Variants in AEBP2 observed in about 807,000 individuals in gnomAD.
AEBP2 encodes the protein AE binding protein 2.
Under a neutral mutation model 50.8 loss-of-function variants are expected in AEBP2, and 10 were observed. The ratio of observed to expected loss-of-function variants is 0.20; its 90% CI spans 0.12 to 0.33. The LOEUF is 0.33. AEBP2 is among the 10% of genes least tolerant of loss of function. AEBP2 has a pLI of 1.00. For synonymous variants in AEBP2, 296 were observed against 261.3 expected, an observed-to-expected ratio of 1.13 and a Z score of -1.28; for missense variants, 570 against 688.0, an observed-to-expected ratio of 0.83 and a Z score of 1.92.
chr12:19,445,743 A>G (rs1948050750), intron 1 of AEBP2, among the ~76,000 whole-genome samples: 1 of 152,224 alleles, frequency 6.6e-6, no homozygotes, highest in Admixed American at 6.5e-5. Context: ...GCAAAAGGAT[A>G]TGGTAGACTA....
Position 19,439,685 on chromosome 12 carries a change from G to A in AEBP2, c.-15G>A. 6.6e-7 allele frequency: 1 copy of A among 1,517,644 alleles called. No individual in the cohort carries two copies. The highest frequency in any genetic ancestry group is 2.6e-5 in the East Asian group (1 of 38,072). 94.0% of individuals were successfully genotyped at this position (1,517,644 alleles called of 1,614,324 possible). The stretch of plus-strand genomic sequence containing the variant: ...GCGGTGGGGAGGAGGAGGAGGAGGA[G>A]GAGCAGGCGCCGCCATGGCCGCCGC... On this transcript the variant is annotated 5_prime_UTR_variant, in exon 1 of 8. Coordinates refer to ENST00000266508, the MANE Select transcript of AEBP2 (RefSeq NM_153207.5).
chr12:19,462,475 C>G (rs1430412916), intron 1 of AEBP2, 35 bp from the exon 2 acceptor site: 1 of 1,519,686 alleles, frequency 6.6e-7, no homozygotes, highest in Non-Finnish European at 9.0e-7. Context: ...TAGTGAATTT[C>G]TAGGAATAAC....
rs1947938155 is a variant in AEBP2, at chr12:19,440,601, C to G, written c.671+231C>G. On this transcript the variant is annotated intron_variant, in intron 1 of 7. Transcript: ENST00000266508. ...CCCCCAACTCTCCTTTCCCCGCCCT[C>G]TTTCCCCTCGGCGCTTCGCTCCTCA... 1.2e-5 allele frequency: 17 copies of G among 1,473,592 alleles called. No homozygotes were observed. In the South Asian group the frequency reaches 2.2e-4, roughly 19 times the overall value. The allele number at this position is 1,473,592 out of a possible 1,614,324, so 91.3% of individuals were successfully genotyped here.
intron 1 of AEBP2, among the ~76,000 whole-genome samples, chr12:19,448,461 G>C (rs1948111733): frequency 1.3e-5 from 2 of 151,322 alleles, no homozygotes; most frequent in African/African-American, 4.9e-5. Context: ...CTCCAGCCTG[G>C]GCAACAGAGC....
intron 1 of AEBP2, among the ~76,000 whole-genome samples, chr12:19,420,402 C>T (rs772883709): frequency 1.7e-4 from 24 of 138,846 alleles, no homozygotes; most frequent in Middle Eastern, 4.5e-3. Context: ...GGTGCTATCT[C>T]GGCTCACTAC....
rs944015661 is a variant in AEBP2 at position 19,411,695 on chromosome 12, A to G, written c.-17+7479A>G. Among the ~76,000 whole-genome samples the G allele has an allele frequency of 2.0e-5, 3 of 152,220 alleles. No individual in the cohort carries two copies. In the East Asian group the frequency reaches 5.8e-4, roughly 29 times the overall value. On this transcript the variant is annotated intron_variant, in intron 1 of 3. Coordinates refer to the AEBP2 transcript ENST00000538425. Reference sequence around the variant, plus strand: ...AGGTTCTGGCACATCTAAGACCTCTACAGTGCTGGAACATCGCCCGAAGGA... The same window carrying G: ...AGGTTCTGGCACATCTAAGACCTCTGCAGTGCTGGAACATCGCCCGAAGGA...
At chr12:19,481,848 A>G (rs899914252) in intron 3 of AEBP2, among the ~76,000 whole-genome samples, 2 of 151,940 alleles carry the variant, frequency 1.3e-5, no homozygotes, top group Admixed American at 1.3e-4. Flanking sequence ...TTTCTTTATG[A>G]TATTTTTTCT....
intron 1 of AEBP2, chr12:19,457,776 C>A: frequency 7.2e-6 from 3 of 418,416 alleles, no homozygotes; most frequent in East Asian, 5.4e-5. Flanking sequence ...CAGCATCAAG[C>A]GGGCACTTGT....
At chr12:19,427,092 A>T (rs561031652) in intron 1 of AEBP2, among the ~76,000 whole-genome samples, 1 of 152,208 alleles carries the variant, frequency 6.6e-6, no homozygotes, top group South Asian at 2.1e-4. Flanking sequence ...AAAAAGGCAG[A>T]GGAAGGTCGG....
intron 1 of AEBP2, among the ~76,000 whole-genome samples, chr12:19,427,899 A>G (rs1004872209): frequency 3.9e-5 from 6 of 152,148 alleles, no homozygotes; most frequent in Middle Eastern, 3.4e-3. Flanking sequence ...ACCTGCACTA[A>G]TTAGGATTTT....
intron 1 of AEBP2, among the ~76,000 whole-genome samples, chr12:19,423,485 C>T (rs1276973767): frequency 6.6e-6 from 1 of 151,852 alleles, no homozygotes; most frequent in Non-Finnish European, 1.5e-5. Context: ...TTTTTTGGGC[C>T]CACTTGCTAA....
At chr12:19,443,655 G>A (rs1206893238) in intron 1 of AEBP2, among the ~76,000 whole-genome samples, 1 of 151,978 alleles carries the variant, frequency 6.6e-6, no homozygotes, top group African/African-American at 2.4e-5. Context: ...TCTGGGAGGC[G>A]GAGGTTACAG....
intron 3 of AEBP2, among the ~76,000 whole-genome samples, chr12:19,474,715 T>A (rs903517625): frequency 6.6e-6 from 1 of 152,184 alleles, no homozygotes; most frequent in South Asian, 2.1e-4. Flanking sequence ...TACTTGTTTT[T>A]CTATATACCA....
chr12:19,469,768 T>C (rs73337379), intron 2 of AEBP2, among the ~76,000 whole-genome samples: 1 of 152,226 alleles, frequency 6.6e-6, no homozygotes, highest in African/African-American at 2.4e-5. Flanking sequence ...ATTTCTGTTA[T>C]GTCTGATACA....
At chr12:19,430,989 G>A (rs1206461556) in intron 1 of AEBP2, among the ~76,000 whole-genome samples, 1 of 143,120 alleles carries the variant, frequency 7.0e-6, no homozygotes, top group Non-Finnish European at 1.5e-5. Flanking sequence ...TCCAGTCCAG[G>A]CAATAGAGCC....
At chr12:19,461,142 C>A (rs1948369316) in intron 1 of AEBP2, among the ~76,000 whole-genome samples, 1 of 152,070 alleles carries the variant, frequency 6.6e-6, no homozygotes, top group African/African-American at 2.4e-5. Flanking sequence ...GGAAACATAC[C>A]TCTTTAAAGT....
intron 1 of AEBP2, among the ~76,000 whole-genome samples, chr12:19,459,219 A>T (rs1948327478): frequency 6.6e-6 from 1 of 152,110 alleles, no homozygotes; most frequent in African/African-American, 2.4e-5. Context: ...GGCCTCATGA[A>T]ACTTGAAATT....
rs148227123 is a variant in AEBP2, at chr12:19,422,099, G to A, written c.-17+17883G>A. Among the ~76,000 whole-genome samples the A allele has an allele frequency of 2.0e-4, 31 of 152,208 alleles. 1 individual carries two copies. The highest frequency in any genetic ancestry group is 1.7e-3 in the Admixed American group (26 of 15,262). On this transcript the variant is annotated intron_variant, in intron 1 of 3. Transcript: ENST00000538425. ...AGAGCTTTCAGTGAGCTGAGATTGC[G>A]CCACTGCACTCTGGCCTGGGTGATA... is the stretch of plus-strand genomic sequence containing the variant.
intron 3 of AEBP2, 40 bp downstream of exon 3, chr12:19,473,395 T>TTATTTATC: frequency 1.6e-6 from 1 of 642,950 alleles, no homozygotes; most frequent in South Asian, 5.8e-5. Context: ...ATTTATTTAT[T>TTATTTATC]TATTTATTTA....
Sources: allele counts gnomAD v4.1 joint callset (sites outside exome capture counted in the v4.1 genomes callset), GRCh38; gene constraint gnomAD v4.1.1; transcripts MANE v1.5; gene names NCBI Gene and HGNC (gene_info 2026-07-23, HGNC 2026-07-21).